The following PCDH15 variants were observed in gnomAD, a reference collection of about 807,000 sequenced individuals.
PCDH15 encodes the protein protocadherin related 15.
Under a neutral mutation model 178.5 loss-of-function variants are expected in PCDH15, and 129 were observed. The ratio of observed to expected loss-of-function variants is 0.72; its 90% CI spans 0.63 to 0.84. The LOEUF is 0.84. Among genes scored for constraint, PCDH15 ranks in the 40% least tolerant of loss-of-function variants. PCDH15 has a pLI of 0.00. For synonymous variants in PCDH15, 800 were observed against 732.0 expected (o/e 1.09, Z -1.50); for missense variants, 2,230 against 2,099.9 (o/e 1.06, Z -1.21).
intron 30 of PCDH15, among the ~76,000 whole-genome samples, chr10:53,829,295 G>A (rs2076883636): frequency 6.6e-6 from 1 of 152,094 alleles, no homozygotes; most frequent in South Asian, 2.1e-4. Flanking sequence ...AACTAAAGGA[G>A]AATTAAATAA....
At chr10:54,135,111 G>A (rs2042790784) in intron 14 of PCDH15, among the ~76,000 whole-genome samples, 1 of 151,458 alleles carries the variant, frequency 6.6e-6, no homozygotes, top group South Asian at 2.1e-4. Flanking sequence ...AGGCAGAAGG[G>A]AGAATTGCTT....
intron 3 of PCDH15, among the ~76,000 whole-genome samples, chr10:54,382,957 A>C (rs1949417758): frequency 6.6e-6 from 1 of 152,174 alleles, no homozygotes; most frequent in Non-Finnish European, 1.5e-5. Context: ...CTATTAACTA[A>C]CTGTGAGCTT....
chr10:55,097,600 G>A (rs886842649), intron 2 of PCDH15, among the ~76,000 whole-genome samples: 1 of 152,064 alleles, frequency 6.6e-6, no homozygotes, highest in Non-Finnish European at 1.5e-5. Context: ...ACAGACAGTT[G>A]TATTTCTGTA....
chr10:55,564,184 T>A (rs1001964670), intron 2 of PCDH15, among the ~76,000 whole-genome samples: 3 of 151,874 alleles, frequency 2.0e-5, no homozygotes, highest in African/African-American at 7.2e-5. Context: ...CTAATATATT[T>A]AAAATGATTA....
At chr10:54,056,707 C>A (rs2093896672) in intron 18 of PCDH15, among the ~76,000 whole-genome samples, 1 of 152,088 alleles carries the variant, frequency 6.6e-6, no homozygotes, top group Non-Finnish European at 1.5e-5. Flanking sequence ...CATTTCAAAA[C>A]CAATCATGCC....
At chr10:53,930,376 T>G (rs1472985357) in intron 25 of PCDH15, among the ~76,000 whole-genome samples, 1 of 130,188 alleles carries the variant, frequency 7.7e-6, no homozygotes, top group African/African-American at 3.0e-5. Context: ...GAGAATGGCA[T>G]GAACCTGGGA....
intron 2 of PCDH15, among the ~76,000 whole-genome samples, chr10:55,377,966 C>G (rs1008807132): frequency 6.6e-6 from 1 of 152,044 alleles, no homozygotes; most frequent in African/African-American, 2.4e-5. Context: ...AACAGAAAAC[C>G]AAACACCGCA....
chr10:54,854,985 T>C (rs1840335), intron 3 of PCDH15, among the ~76,000 whole-genome samples: 95,010 of 152,208 alleles, frequency 0.62, 30,209 homozygotes, highest in African/African-American at 0.75. Context: ...CCAAGCTATG[T>C]TAAAACCCCA....
At chr10:55,598,265 G>T (rs2132139541) in intron 2 of PCDH15, among the ~76,000 whole-genome samples, 1 of 151,756 alleles carries the variant, frequency 6.6e-6, no homozygotes, top group African/African-American at 2.4e-5. Context: ...TACTACGAAA[G>T]GGACTTTAAT....
intron 1 of PCDH15, among the ~76,000 whole-genome samples, chr10:55,269,441 T>C (rs531056374): frequency 1.3e-5 from 2 of 152,250 alleles, no homozygotes; most frequent in East Asian, 3.9e-4. Flanking sequence ...GGTTTCAGGA[T>C]ACAAAAGCAA....
At chr10:54,213,442 T>A (rs188052822) in intron 10 of PCDH15, among the ~76,000 whole-genome samples, 236 of 152,226 alleles carry the variant, frequency 1.6e-3, no homozygotes, top group African/African-American at 5.2e-3. Context: ...AAGAAAATAA[T>A]GAGACATATA....
chr10:55,607,587 T>C (rs1021469127), intron 2 of PCDH15, among the ~76,000 whole-genome samples: 11 of 147,906 alleles, frequency 7.4e-5, no homozygotes, highest in African/African-American at 2.3e-4. Flanking sequence ...GATGAGTTCA[T>C]GTCCTTTGTA....
intron 8 of PCDH15, among the ~76,000 whole-genome samples, chr10:54,266,146 A>AAC (rs145223349): frequency 0.41 from 62,209 of 149,986 alleles, 13,280 homozygotes; most frequent in African/African-American, 0.52. Context: ...CGCAGACACA[A>AAC]ACACACACAC....
At chr10:54,796,219 A>G (rs533602642) in intron 1 of PCDH15, among the ~76,000 whole-genome samples, 17 of 130,214 alleles carry the variant, frequency 1.3e-4, no homozygotes, top group African/African-American at 4.8e-4. Context: ...CTGTCTTTCT[A>G]CATTATCTAT....
chr10:54,343,553 C>A (rs1942655633), intron 6 of PCDH15, among the ~76,000 whole-genome samples: 1 of 151,260 alleles, frequency 6.6e-6, no homozygotes, highest in East Asian at 1.9e-4. Flanking sequence ...ATCAGTTCAG[C>A]AACTATTTAT....
At chr10:54,333,960 T>C (rs1479463275) in intron 6 of PCDH15, among the ~76,000 whole-genome samples, 1 of 152,230 alleles carries the variant, frequency 6.6e-6, no homozygotes, top group Non-Finnish European at 1.5e-5. Flanking sequence ...CCCATTTACT[T>C]AAGCAACCTT....
chr10:55,106,607 G>A (rs934995644), intron 2 of PCDH15, among the ~76,000 whole-genome samples: 2 of 151,976 alleles, frequency 1.3e-5, no homozygotes, highest in African/African-American at 4.8e-5. Flanking sequence ...ATAGAGACGG[G>A]GTTTCACCAT....
intron 3 of PCDH15, among the ~76,000 whole-genome samples, chr10:54,392,105 T>C (rs946466311): frequency 1.3e-5 from 2 of 152,088 alleles, no homozygotes; most frequent in Non-Finnish European, 2.9e-5. Flanking sequence ...AGGTACTTTG[T>C]TTCAATCTCT....
At chr10:54,451,463 T>A (rs1490521896) in intron 3 of PCDH15, among the ~76,000 whole-genome samples, 1 of 151,928 alleles carries the variant, frequency 6.6e-6, no homozygotes, top group Non-Finnish European at 1.5e-5. Flanking sequence ...AAGAGTTTTG[T>A]TTATACAATA....
Sources: gnomAD v4.1 joint callset for allele counts (sites outside exome capture counted in the v4.1 genomes callset) on GRCh38, gnomAD v4.1.1 for gene constraint, MANE v1.5 for transcripts, NCBI Gene and HGNC (gene_info 2026-07-23, HGNC 2026-07-21) for gene names.